THSD4: variants seen among roughly 807,000 people sequenced by gnomAD.
THSD4 encodes the protein thrombospondin type 1 domain containing 4.
THSD4 carries 69 observed loss-of-function variants against 119.0 expected under a neutral mutation model. That is an observed-to-expected ratio of 0.58 (90% CI 0.48 to 0.71). THSD4 has a LOEUF of 0.71. Ranked by LOEUF, THSD4 falls within the 30% of genes least tolerant of loss-of-function variation. THSD4 has a pLI of 0.00. For synonymous variants in THSD4, 524 were observed against 540.4 expected, an observed-to-expected ratio of 0.97 and a Z score of 0.42; for missense variants, 1,393 against 1,391.1, an observed-to-expected ratio of 1.00 and a Z score of -0.02.
At chr15:71,211,181 G>A (rs2140246698) in intron 3 of THSD4, among the ~76,000 whole-genome samples, 1 of 152,154 alleles carries the variant, frequency 6.6e-6, no homozygotes, top group African/African-American at 2.4e-5. Context: ...GAATTTTGGT[G>A]CTTTATTTTG....
At chr15:71,254,241 T>G (rs1350400537) in intron 5 of THSD4, among the ~76,000 whole-genome samples, 1 of 152,216 alleles carries the variant, frequency 6.6e-6, no homozygotes, top group African/African-American at 2.4e-5. Context: ...GTTCTGATTA[T>G]GGACAGGGTG....
At chr15:71,407,056 A>G (rs1173731044) in intron 6 of THSD4, among the ~76,000 whole-genome samples, 1 of 152,116 alleles carries the variant, frequency 6.6e-6, no homozygotes, top group Non-Finnish European at 1.5e-5. Context: ...TTTTATTATT[A>G]TAAAATGTAC....
At chr15:71,389,721 TGGCTATACTA>T (rs1395626000) in intron 6 of THSD4, among the ~76,000 whole-genome samples, 1 of 151,960 alleles carries the variant, frequency 6.6e-6, no homozygotes, top group Non-Finnish European at 1.5e-5. Context: ...GCTTTCCACA[TGGCTATACTA>T]TTTTACATTC....
chr15:71,504,904 T>A (rs1489775952), intron 7 of THSD4, among the ~76,000 whole-genome samples: 1 of 152,178 alleles, frequency 6.6e-6, no homozygotes, highest in Non-Finnish European at 1.5e-5. Flanking sequence ...CTGTCCTAAT[T>A]TCTCAGTCTT....
Position 71,695,685 on chromosome 15 carries a change from C to G in THSD4, c.1358-32864C>G, listed in dbSNP as rs369532886. Among the ~76,000 whole-genome samples, 10 of 152,192 alleles carry G rather than the reference C, an allele frequency of 6.6e-5. No homozygotes were observed. In the South Asian group the frequency reaches 1.7e-3, roughly 25 times the overall value. ...GAGTCCCAACCAACCCAGGGAGCCA[C>G]AGCCCCTGCACACTCAGGAGGCAGG... On this transcript the variant is annotated intron_variant, in intron 8 of 17. Coordinates refer to ENST00000261862, the MANE Select transcript of THSD4 (RefSeq NM_024817.3).
intron 7 of THSD4, among the ~76,000 whole-genome samples, chr15:71,624,076 A>G (rs1329872438): frequency 1.3e-5 from 2 of 152,226 alleles, no homozygotes; most frequent in African/African-American, 4.8e-5. Flanking sequence ...GATCGAGAAC[A>G]ACACGTGAAG....
intron 7 of THSD4, among the ~76,000 whole-genome samples, chr15:71,438,377 T>C (rs1447326053): frequency 1.3e-5 from 2 of 152,194 alleles, no homozygotes; most frequent in East Asian, 3.8e-4. Flanking sequence ...ATGGCAAATT[T>C]AGCAATTTTC....
At chr15:71,578,115 C>T (rs1160980463) in intron 7 of THSD4, among the ~76,000 whole-genome samples, 5 of 150,704 alleles carry the variant, frequency 3.3e-5, no homozygotes, top group South Asian at 4.2e-4. Flanking sequence ...TGTACATTAT[C>T]GATCTATATA....
intron 7 of THSD4, among the ~76,000 whole-genome samples, chr15:71,623,792 G>A (rs1053585289): frequency 1.8e-4 from 28 of 151,952 alleles, no homozygotes; most frequent in African/African-American, 3.6e-4. Flanking sequence ...GCATGGTGGC[G>A]GGCACCTGTA....
At chr15:71,305,091 G>A (rs538819570) in intron 6 of THSD4, among the ~76,000 whole-genome samples, 22 of 152,286 alleles carry the variant, frequency 1.4e-4, no homozygotes, top group African/African-American at 5.3e-4. Context: ...AGGATTCTGG[G>A]GAAAACCCTA....
At chr15:71,258,144 G>A (rs758964980) in intron 6 of THSD4, among the ~76,000 whole-genome samples, 40 of 152,028 alleles carry the variant, frequency 2.6e-4, no homozygotes, top group African/African-American at 7.2e-4. Flanking sequence ...TTGTACCAGC[G>A]TTAATGTCTT....
chr15:71,561,390 C>A (rs12101716), intron 7 of THSD4, among the ~76,000 whole-genome samples: 18,735 of 152,154 alleles, frequency 0.12, 3,922 homozygotes, highest in African/African-American at 0.43. Flanking sequence ...TGGCAGCTAT[C>A]ACCATTATTA....
intron 14 of THSD4, among the ~76,000 whole-genome samples, chr15:71,749,917 T>C (rs986028640): frequency 3.3e-5 from 5 of 151,820 alleles, no homozygotes; most frequent in Admixed American, 1.3e-4. Flanking sequence ...TTGTATTTGT[T>C]TGTGGTTTCA....
At chr15:71,434,462 T>TTTTTTTTA (rs1555413343) in intron 7 of THSD4, among the ~76,000 whole-genome samples, 1 of 124,848 alleles carries the variant, frequency 8.0e-6, no homozygotes, top group African/African-American at 3.0e-5. Context: ...TTTTTTTTTT[T>TTTTTTTTA]AATTTCTGAA....
chr15:71,275,766 A>G (rs556576266), intron 6 of THSD4, among the ~76,000 whole-genome samples: 3 of 152,236 alleles, frequency 2.0e-5, no homozygotes, highest in East Asian at 3.9e-4. Context: ...ATAGTGAGTT[A>G]GTTCTCACGG....
At chr15:71,168,435 T>G (rs2043317238) in intron 3 of THSD4, among the ~76,000 whole-genome samples, 1 of 152,226 alleles carries the variant, frequency 6.6e-6, no homozygotes, top group African/African-American at 2.4e-5. Context: ...TCAAACTTTT[T>G]TTTTGTTAAC....
intron 6 of THSD4, among the ~76,000 whole-genome samples, chr15:71,408,502 G>A (rs1265480802): frequency 6.6e-6 from 1 of 152,096 alleles, no homozygotes; most frequent in Non-Finnish European, 1.5e-5. Context: ...AATAGTGTTG[G>A]CATAACAGAC....
intron 6 of THSD4, among the ~76,000 whole-genome samples, chr15:71,346,874 T>TC (rs1298479359): frequency 8.2e-5 from 11 of 134,522 alleles, no homozygotes; most frequent in African/African-American, 2.8e-4. Flanking sequence ...TTTTCTTTTT[T>TC]TTTTTTTTTT....
chr15:71,274,519 T>G (rs1567178003), intron 6 of THSD4, among the ~76,000 whole-genome samples: 1 of 152,080 alleles, frequency 6.6e-6, no homozygotes, highest in Non-Finnish European at 1.5e-5. Context: ...GAGGAATGAT[T>G]CCCTCCTCCC....
Sources: allele counts gnomAD v4.1 joint callset (sites outside exome capture counted in the v4.1 genomes callset), GRCh38; gene constraint gnomAD v4.1.1; transcripts MANE v1.5; gene names NCBI Gene and HGNC (gene_info 2026-07-23, HGNC 2026-07-21).